Variants in PPIP5K2 observed in about 807,000 individuals in gnomAD.
PPIP5K2 encodes the protein diphosphoinositol pentakisphosphate kinase 2.
In PPIP5K2, 105 loss-of-function variants were observed where a neutral mutation model predicts 154.6. The ratio of observed to expected loss-of-function variants is 0.68; its 90% confidence interval spans 0.58 to 0.80. The LOEUF is 0.80. Among genes scored for constraint, PPIP5K2 ranks in the 30% least tolerant of loss-of-function variants. PPIP5K2 has a pLI of 0.00. For synonymous variants in PPIP5K2, 480 were observed against 490.3 expected (o/e 0.98, Z 0.28); for missense variants, 992 against 1,504.6 (o/e 0.66, Z 5.64).
chr5:103,159,450 C>A, intron 17 of PPIP5K2, 122 bp downstream of exon 17: 1 of 847,832 alleles, frequency 1.2e-6, no homozygotes, highest in Non-Finnish European at 1.6e-6. Flanking sequence ...TATCATCCTC[C>A]AGGTAAAGAA....
intron 29 of PPIP5K2, among the ~76,000 whole-genome samples, chr5:103,192,128 GT>G (rs1554227127): frequency 6.6e-6 from 1 of 151,900 alleles, no homozygotes; most frequent in African/African-American, 2.4e-5. Flanking sequence ...ATTTTTGGTA[GT>G]AGAGGCCAGC....
chr5:103,126,580 G>T (rs1024058604), intron 1 of PPIP5K2, among the ~76,000 whole-genome samples: 3 of 151,986 alleles, frequency 2.0e-5, no homozygotes, highest in Non-Finnish European at 4.4e-5. Flanking sequence ...TCACACGATC[G>T]ATCACAAGGT....
At chr5:103,182,291 A>G (rs1799667660) in intron 24 of PPIP5K2, among the ~76,000 whole-genome samples, 1 of 152,222 alleles carries the variant, frequency 6.6e-6, no homozygotes, top group Non-Finnish European at 1.5e-5. Context: ...CTATATTTAT[A>G]AAACCTCTAA....
At chr5:103,179,976 T>A (rs370067660) in intron 23 of PPIP5K2, 45 bp from the exon 24 acceptor site, 2 of 1,444,734 alleles carry the variant, frequency 1.4e-6, no homozygotes, top group African/African-American at 1.5e-5. Context: ...AGAAGAGATT[T>A]CTTAAATCTG....
intron 18 of PPIP5K2, 65 bp downstream of exon 18, chr5:103,167,385 A>G (rs1562455759): frequency 1.6e-6 from 2 of 1,276,804 alleles, no homozygotes; most frequent in African/African-American, 3.0e-5. Context: ...CATTTAATAT[A>G]TGATGCACCA....
In PPIP5K2 at chr5:103,173,302, A is replaced by G. The variant is rs112580731; in HGVS notation, c.2414+20A>G. ...TCCTGTGTAAGAAACTGTACTGGTT[A>G]TTTAAATCTCTAGGCATCTATTTTT... On this transcript the variant is annotated intron_variant, in intron 20 of 30. Coordinates refer to ENST00000358359, the MANE Select transcript of PPIP5K2 (RefSeq NM_001276277.3). The G allele has an allele frequency of 1.1e-3, 1,706 of 1,593,192 alleles. 17 individuals carry two copies. The African/African-American group carries it at 0.02, about 19-fold the overall frequency.
At chr5:103,143,849 G>A (rs1793270101) in intron 5 of PPIP5K2, among the ~76,000 whole-genome samples, 1 of 152,070 alleles carries the variant, frequency 6.6e-6, no homozygotes, top group African/African-American at 2.4e-5. Context: ...GGGAAAAGGT[G>A]AAAATATTTC....
chr5:103,157,144 TTTAAAGAATGATTA>T (rs1795534410), intron 14 of PPIP5K2, among the ~76,000 whole-genome samples: 1 of 152,178 alleles, frequency 6.6e-6, no homozygotes, highest in Non-Finnish European at 1.5e-5. Flanking sequence ...TCCTCTCACC[TTTAAAGAATGATTA>T]TTAAGTTCTT....
At chr5:103,173,725 G>T in intron 20 of PPIP5K2, 133 bp from the exon 21 acceptor site, 1 of 668,190 alleles carries the variant, frequency 1.5e-6, no homozygotes, top group South Asian at 1.8e-5. Flanking sequence ...CTCTATTGTG[G>T]TTGGAAGAAT....
chr5:103,200,134 T>C (rs1448299011), intron 30 of PPIP5K2, among the ~76,000 whole-genome samples: 2 of 152,204 alleles, frequency 1.3e-5, no homozygotes, highest in Non-Finnish European at 2.9e-5. Flanking sequence ...TTGTAAAATA[T>C]GGTGTTCCGT....
At chr5:103,201,361 C>G (rs1802963660) in intron 30 of PPIP5K2, among the ~76,000 whole-genome samples, 161 bp from the exon 31 acceptor site, 1 of 152,040 alleles carries the variant, frequency 6.6e-6, no homozygotes, top group Admixed American at 6.6e-5. Context: ...GTGTTGAATT[C>G]TGAAAAGTAA....
intron 10 of PPIP5K2, among the ~76,000 whole-genome samples, chr5:103,153,360 CT>C (rs542297269): frequency 4.2e-4 from 64 of 151,862 alleles, no homozygotes; most frequent in Admixed American, 5.9e-4. Flanking sequence ...GATTATACCT[CT>C]GAATTCTAGC....
chr5:103,201,474 G>C (rs781968659), intron 30 of PPIP5K2, 48 bp from the exon 31 acceptor site: 3 of 1,117,260 alleles, frequency 2.7e-6, no homozygotes, highest in Non-Finnish European at 3.9e-6. Flanking sequence ...TGGATTGTTT[G>C]TGTAAATTTA....
intron 5 of PPIP5K2, 125 bp downstream of exon 5, chr5:103,138,594 A>G: frequency 1.9e-6 from 1 of 517,340 alleles, no homozygotes; most frequent in Non-Finnish European, 3.3e-6. Context: ...TTTAAAAAAT[A>G]ATCTAAACAG....
intron 28 of PPIP5K2, among the ~76,000 whole-genome samples, chr5:103,187,853 G>A (rs1349739332): frequency 6.6e-6 from 1 of 152,128 alleles, no homozygotes; most frequent in Admixed American, 6.6e-5. Flanking sequence ...GGCACCTGGT[G>A]ATGCATATTT....
At chr5:103,144,785 C>A (rs950097861) in intron 5 of PPIP5K2, among the ~76,000 whole-genome samples, 10 of 152,050 alleles carry the variant, frequency 6.6e-5, no homozygotes, top group Non-Finnish European at 1.5e-4. Flanking sequence ...ATACTTAAAT[C>A]TAAGACCTGA....
chr5:103,175,708 G>C (rs1335716111), intron 21 of PPIP5K2, among the ~76,000 whole-genome samples: 2 of 151,994 alleles, frequency 1.3e-5, no homozygotes, highest in East Asian at 3.9e-4. Flanking sequence ...AGGTGAAAGT[G>C]GGTATGAGGA....
In PPIP5K2 at chr5:103,183,321, C is replaced by T. The variant is rs782216929; in HGVS notation, c.3010C>T (p.Arg1004Cys). Residue 1004 changes from arginine (R) to cysteine (C), a missense_variant, in exon 25 of 31, where the codon CGC (arginine) becomes TGC (cysteine). By Grantham distance (180) the Arg-to-Cys change is radical. Around this residue, in one of 9 missense-constraint regions of PPIP5K2, gnomAD observed 204 missense variants for 224.0 expected, o/e 0.91. Coordinates refer to ENST00000358359, the MANE Select transcript of PPIP5K2 (RefSeq NM_001276277.3). ...TSGVGTGRRR[R>C]RSGEQITSSP... ...TGGTGTGGGTACTGGGCGTCGAAGA[C>T]GCAGATCAGGGGAACAAATCACTTC... The T allele has an allele frequency of 1.1e-5, 18 of 1,605,716 alleles. No homozygotes were observed. The highest frequency in any genetic ancestry group is 3.3e-5 in the South Asian group (3 of 90,264).
chr5:103,181,527 C>A (rs571690773), intron 24 of PPIP5K2, among the ~76,000 whole-genome samples: 3 of 151,748 alleles, frequency 2.0e-5, no homozygotes, highest in Non-Finnish European at 2.9e-5. Flanking sequence ...GAGACCACCC[C>A]CCTGACTGCA....
Sources: gnomAD v4.1 joint callset for allele counts (sites outside exome capture counted in the v4.1 genomes callset) on GRCh38, gnomAD v4.1.1 for gene constraint, gnomAD v4.1.1 regional missense constraint, MANE v1.5 for transcripts, NCBI Gene and HGNC (gene_info 2026-07-23, HGNC 2026-07-21) for gene names.